DSCAM: variants seen among roughly 807,000 people sequenced by gnomAD.
DSCAM encodes the protein cell adhesion molecule DSCAM.
DSCAM carries 47 observed loss-of-function variants against 217.7 expected under a neutral mutation model. The observed-to-expected ratio is 0.22, with a 90% CI of 0.17 to 0.28. The LOEUF is 0.28. Among genes scored for constraint, DSCAM ranks in the 10% least tolerant of loss-of-function variants. The pLI is 1.00. For synonymous variants in DSCAM, 1,056 were observed against 1,015.3 expected, an observed-to-expected ratio of 1.04 and a Z score of -0.76; for missense variants, 2,080 against 2,618.3, an observed-to-expected ratio of 0.79 and a Z score of 4.49.
In DSCAM at chr21:40,654,446, T is replaced by C. The variant is rs1461486963; in HGVS notation, c.508+38364A>G. Among the ~76,000 whole-genome samples the C allele has an allele frequency of 2.0e-5, 3 of 152,326 alleles. No individual in the cohort carries two copies. In the East Asian group the frequency reaches 5.8e-4, roughly 29 times the overall value. On this transcript the variant is annotated intron_variant, in intron 3 of 32. Coordinates refer to ENST00000400454, the MANE Select transcript of DSCAM (RefSeq NM_001389.5). Reference sequence around the variant, plus strand: ...GATTTTGATTGTTCACTGCACTAAATTTTTACAGCTGCGGTAACAAATCAC... The same window carrying C: ...GATTTTGATTGTTCACTGCACTAAACTTTTACAGCTGCGGTAACAAATCAC...
intron 2 of DSCAM, among the ~76,000 whole-genome samples, chr21:40,697,156 T>C (rs181355679): frequency 6.6e-6 from 1 of 152,258 alleles, no homozygotes; most frequent in Non-Finnish European, 1.5e-5. Context: ...AGTGAAAACA[T>C]GTAATGTGTG....
At chr21:40,710,806 G>T (rs2146487628) in intron 1 of DSCAM, among the ~76,000 whole-genome samples, 1 of 152,342 alleles carries the variant, frequency 6.6e-6, no homozygotes, top group Middle Eastern at 3.4e-3. Context: ...TAAAGCAGGT[G>T]CATACCTAGT....
intron 3 of DSCAM, among the ~76,000 whole-genome samples, chr21:40,586,375 C>T (rs898907730): frequency 3.9e-5 from 6 of 152,312 alleles, no homozygotes; most frequent in Admixed American, 2.0e-4. Context: ...CAGACTAACA[C>T]AGAAAATCTT....
At chr21:40,073,856 G>A (rs956692677) in intron 27 of DSCAM, among the ~76,000 whole-genome samples, 11 of 152,286 alleles carry the variant, frequency 7.2e-5, no homozygotes, top group Admixed American at 3.9e-4. Flanking sequence ...GCACGATTGC[G>A]AAAGAACATT....
chr21:40,685,268 T>C (rs61345957), intron 3 of DSCAM, among the ~76,000 whole-genome samples: 1 of 152,200 alleles, frequency 6.6e-6, no homozygotes, highest in Non-Finnish European at 1.5e-5. Context: ...CTGTCAGTCT[T>C]ATGAAGGGCT....
At chr21:40,376,144 G>C (rs940579734) in intron 3 of DSCAM, among the ~76,000 whole-genome samples, 2 of 152,162 alleles carry the variant, frequency 1.3e-5, no homozygotes, top group African/African-American at 4.8e-5. Flanking sequence ...GCAATTGAAA[G>C]AAGAGATGGC....
intron 18 of DSCAM, 132 bp from the exon 19 acceptor site, chr21:40,134,141 T>C (rs1258628811): frequency 9.6e-6 from 11 of 1,146,750 alleles, no homozygotes; most frequent in Non-Finnish European, 1.2e-5. Context: ...ACGAGAATTC[T>C]CAAAGGGACT....
At chr21:40,841,622 C>A (rs2092102482) in intron 1 of DSCAM, among the ~76,000 whole-genome samples, 1 of 152,046 alleles carries the variant, frequency 6.6e-6, no homozygotes, top group Non-Finnish European at 1.5e-5. Context: ...TGATGGACTG[C>A]GGAGGAGCGG....
At chr21:40,692,655 C>T (rs1181383262) in intron 3 of DSCAM, among the ~76,000 whole-genome samples, 155 bp downstream of exon 3, 1 of 152,212 alleles carries the variant, frequency 6.6e-6, no homozygotes, top group Non-Finnish European at 1.5e-5. Context: ...CAATACAAAA[C>T]ACTTATTTCA....
At chr21:40,710,226 TA>T (rs1470015825) in intron 1 of DSCAM, among the ~76,000 whole-genome samples, 1 of 152,126 alleles carries the variant, frequency 6.6e-6, no homozygotes, top group Non-Finnish European at 1.5e-5. Context: ...TAAAGCATGT[TA>T]AAAAAGCACC....
intron 11 of DSCAM, among the ~76,000 whole-genome samples, chr21:40,236,808 C>T (rs147094212): frequency 3.3e-5 from 5 of 152,224 alleles, no homozygotes; most frequent in East Asian, 1.9e-4. Context: ...CTCAGATAAC[C>T]GAAACAAAGA....
intron 8 of DSCAM, 75 bp from the exon 9 acceptor site, chr21:40,312,434 A>C (rs778745090): frequency 5.3e-6 from 8 of 1,520,984 alleles, no homozygotes; most frequent in African/African-American, 1.4e-5. Flanking sequence ...TGTATACGGC[A>C]CTGAAAGGGT....
intron 3 of DSCAM, among the ~76,000 whole-genome samples, chr21:40,453,650 C>G (rs988692825): frequency 6.6e-6 from 1 of 152,116 alleles, no homozygotes; most frequent in Non-Finnish European, 1.5e-5. Flanking sequence ...CTGCTGTTGA[C>G]AAGAGATAAA....
At chr21:40,398,914 A>G (rs918952090) in intron 3 of DSCAM, among the ~76,000 whole-genome samples, 4 of 152,154 alleles carry the variant, frequency 2.6e-5, no homozygotes, top group Admixed American at 2.0e-4. Flanking sequence ...AGAAGAGGCA[A>G]TATTGTTTTC....
chr21:40,805,050 C>T (rs754646373), intron 1 of DSCAM, among the ~76,000 whole-genome samples: 1 of 152,162 alleles, frequency 6.6e-6, no homozygotes, highest in Non-Finnish European at 1.5e-5. Context: ...TGAATTAGCT[C>T]ACTTCCCCCC....
chr21:40,269,563 G>A (rs551895026), intron 11 of DSCAM, among the ~76,000 whole-genome samples: 5 of 152,306 alleles, frequency 3.3e-5, no homozygotes, highest in South Asian at 2.1e-4. Flanking sequence ...TCCACAAACT[G>A]GGGTGCTTAA....
At chr21:40,158,701 AAAAC>A (rs776568780) in intron 16 of DSCAM, among the ~76,000 whole-genome samples, 6 of 152,240 alleles carry the variant, frequency 3.9e-5, no homozygotes, top group Non-Finnish European at 5.9e-5. Flanking sequence ...TATTTACAGA[AAAAC>A]AAACCCTGTT....
At chr21:40,323,409 G>A (rs2074281972) in intron 8 of DSCAM, among the ~76,000 whole-genome samples, 1 of 152,104 alleles carries the variant, frequency 6.6e-6, no homozygotes, top group Non-Finnish European at 1.5e-5. Flanking sequence ...TAACTCATCT[G>A]GGACTGGGAC....
At chr21:40,381,334 C>T (rs1471820683) in intron 3 of DSCAM, among the ~76,000 whole-genome samples, 1 of 151,982 alleles carries the variant, frequency 6.6e-6, no homozygotes, top group African/African-American at 2.4e-5. Context: ...TGGATGTGCT[C>T]GTTGTATCAG....
Sources: gnomAD v4.1 joint callset for allele counts (sites outside exome capture counted in the v4.1 genomes callset) on GRCh38, gnomAD v4.1.1 for gene constraint, MANE v1.5 for transcripts, NCBI Gene and HGNC (gene_info 2026-07-23, HGNC 2026-07-21) for gene names.